The following RALGAPA2 variants were observed in gnomAD, a reference collection of about 807,000 sequenced individuals.
RALGAPA2 encodes the protein ral GTPase-activating protein subunit alpha-2.
Under a neutral mutation model 230.4 loss-of-function variants are expected in RALGAPA2, and 139 were observed. That is an observed-to-expected ratio of 0.60 (90% CI 0.53 to 0.69). The LOEUF (loss-of-function observed/expected upper bound fraction) is 0.69, where lower values mean the gene tolerates loss of function less well. RALGAPA2 is among the 30% of genes least tolerant of loss of function. The pLI, the probability that RALGAPA2 is intolerant of heterozygous loss-of-function variation, is 0.00. For synonymous variants in RALGAPA2, 847 were observed against 837.8 expected (o/e 1.01, Z -0.19); for missense variants, 2,163 against 2,276.0 (o/e 0.95, Z 1.01).
intron 23 of RALGAPA2, among the ~76,000 whole-genome samples, chr20:20,560,601 C>T (rs2064228210): frequency 6.6e-6 from 1 of 152,194 alleles, no homozygotes; most frequent in African/African-American, 2.4e-5. Flanking sequence ...GACATTATAT[C>T]CTTCTATCCA....
chr20:20,642,080 AT>A (rs1327233330), intron 5 of RALGAPA2, among the ~76,000 whole-genome samples: 1 of 126,468 alleles, frequency 7.9e-6, no homozygotes, highest in African/African-American at 3.0e-5. Context: ...GAGTGGTAAC[AT>A]TACTATTCAG....
At chr20:20,572,035 T>C (rs1568594648) in intron 21 of RALGAPA2, 89 bp from the exon 22 acceptor site, 1 of 808,664 alleles carries the variant, frequency 1.2e-6, no homozygotes, top group Non-Finnish European at 2.0e-6. Context: ...ATATAGCTGC[T>C]TTCAGTTAAT....
chr20:20,558,199 C>T (rs1602784323), intron 23 of RALGAPA2, among the ~76,000 whole-genome samples: 4 of 151,922 alleles, frequency 2.6e-5, no homozygotes, highest in African/African-American at 9.7e-5. Context: ...AGAGATGGGG[C>T]TTCGCCATGT....
At chr20:20,647,170 G>T (rs2067242413) in intron 4 of RALGAPA2, among the ~76,000 whole-genome samples, 1 of 151,896 alleles carries the variant, frequency 6.6e-6, no homozygotes, top group African/African-American at 2.4e-5. Flanking sequence ...TATTTTTAAG[G>T]CCAGGAGATC....
At chr20:20,406,214 C>A (rs1231264314) in intron 38 of RALGAPA2, among the ~76,000 whole-genome samples, 1 of 151,980 alleles carries the variant, frequency 6.6e-6, no homozygotes, top group African/African-American at 2.4e-5. Context: ...CACCCCAGAC[C>A]AATAAATCCG....
chr20:20,642,100 C>A (rs551622340), intron 5 of RALGAPA2, among the ~76,000 whole-genome samples: 60 of 95,476 alleles, frequency 6.3e-4, no homozygotes, highest in African/African-American at 2.5e-3. Flanking sequence ...AGCCATCAGA[C>A]CGAGAGGGGA....
At chr20:20,590,133 C>T (rs2065244382) in intron 17 of RALGAPA2, among the ~76,000 whole-genome samples, 1 of 151,826 alleles carries the variant, frequency 6.6e-6, no homozygotes, top group African/African-American at 2.4e-5. Context: ...TTAAAATCTA[C>T]TCTCTTAGCA....
chr20:20,503,406 A>G lies in RALGAPA2; in HGVS notation c.5153T>C (p.Ile1718Thr). ...PYYATSTVEV[I>T]FHVSTRMPSD... ...CGGCATTCGAGTGGAAACATGGAAA[A>G]TCACTTCCACAGTTGAGGTAGCATA... The change falls in exon 35 of 40, where the codon ATT (isoleucine) becomes ACT (threonine). Residue 1718 changes from isoleucine (I) to threonine (T), a missense_variant. Ile to Thr is a moderately conservative substitution (Grantham distance 89). Coordinates refer to ENST00000202677, the MANE Select transcript of RALGAPA2 (RefSeq NM_020343.4). 2 of 1,605,996 alleles carry G rather than the reference A, an allele frequency of 1.2e-6. No individual in the cohort carries two copies. Among genetic ancestry groups the G allele is most frequent in the Middle Eastern group, 1.7e-4 (1 of 6,036 alleles).
intron 1 of RALGAPA2, among the ~76,000 whole-genome samples, chr20:20,693,906 C>A (rs944971821): frequency 1.3e-5 from 2 of 152,068 alleles, no homozygotes; most frequent in African/African-American, 4.8e-5. Flanking sequence ...GAGTTCAAGA[C>A]CAGCCTAGGT....
chr20:20,394,579 A>G (rs1165870521), intron 39 of RALGAPA2, among the ~76,000 whole-genome samples: 2 of 152,018 alleles, frequency 1.3e-5, no homozygotes, highest in Non-Finnish European at 2.9e-5. Context: ...TCAAGGCTGC[A>G]GTGATGGCTT....
intron 3 of RALGAPA2, among the ~76,000 whole-genome samples, chr20:20,673,422 T>C (rs191266075): frequency 5.6e-4 from 85 of 151,838 alleles, no homozygotes; most frequent in Admixed American, 8.5e-4. Flanking sequence ...TTGAAGACAA[T>C]AAAGACCAAG....
At chr20:20,619,842 T>C (rs1023907040) in intron 11 of RALGAPA2, among the ~76,000 whole-genome samples, 2 of 152,264 alleles carry the variant, frequency 1.3e-5, no homozygotes, top group Admixed American at 6.5e-5. Context: ...TTTAAATTAA[T>C]TTCATAATAG....
chr20:20,456,707 T>A (rs2123218123), intron 37 of RALGAPA2, among the ~76,000 whole-genome samples: 1 of 152,368 alleles, frequency 6.6e-6, no homozygotes, highest in Non-Finnish European at 1.5e-5. Context: ...GCTATGCCAA[T>A]GCAGGTGCCA....
Position 20,526,360 on chromosome 20 carries a change from A to G in RALGAPA2, c.3585T>C (p.Phe1195=). ...CTACCTGGGCCACGATTTTGTTGGG[A>G]AACTATAAAAGGAAACCGAATCCCA... ...AINVIGVTLK[F]PNKIVAQVAC... The change falls in exon 28 of 40, where the codon TTT becomes TTC. Residue 1195 remains phenylalanine (F), a splice_region_variant and synonymous_variant. Transcript: ENST00000202677. 6.3e-7 allele frequency: 1 copy of G among 1,584,746 alleles called. No homozygotes were observed. Among genetic ancestry groups the G allele is most frequent in the Non-Finnish European group, 8.6e-7 (1 of 1,166,172 alleles).
intron 19 of RALGAPA2, among the ~76,000 whole-genome samples, chr20:20,584,597 T>C (rs1159674226): frequency 6.6e-6 from 1 of 152,072 alleles, no homozygotes; most frequent in Non-Finnish European, 1.5e-5. Context: ...CTGGGCAACA[T>C]GGCAAAACCT....
At chr20:20,397,269 C>A (rs1416778476) in intron 38 of RALGAPA2, among the ~76,000 whole-genome samples, 4 of 152,182 alleles carry the variant, frequency 2.6e-5, no homozygotes, top group African/African-American at 9.7e-5. Context: ...ATATGACAGT[C>A]CCCAGGGAGG....
intron 27 of RALGAPA2, among the ~76,000 whole-genome samples, chr20:20,527,822 G>C (rs1207688158): frequency 1.3e-5 from 2 of 152,200 alleles, no homozygotes; most frequent in Admixed American, 6.5e-5. Flanking sequence ...CTCTGAGAGA[G>C]TGGGAGAACA....
intron 20 of RALGAPA2, among the ~76,000 whole-genome samples, chr20:20,576,959 GCT>G (rs2064838573): frequency 6.6e-6 from 1 of 151,980 alleles, no homozygotes; most frequent in Non-Finnish European, 1.5e-5. Context: ...ATGCATGTAT[GCT>G]CTCAGCTTTA....
intron 27 of RALGAPA2, among the ~76,000 whole-genome samples, chr20:20,529,702 G>C (rs2063319075): frequency 6.6e-6 from 1 of 152,122 alleles, no homozygotes; most frequent in African/African-American, 2.4e-5. Flanking sequence ...AGAGCAACAG[G>C]CCATCCCACA....
Sources: gnomAD v4.1 joint callset for allele counts (sites outside exome capture counted in the v4.1 genomes callset) on GRCh38, gnomAD v4.1.1 for gene constraint, MANE v1.5 for transcripts, NCBI Gene and HGNC (gene_info 2026-07-23, HGNC 2026-07-21) for gene names.